ITGB3BP: variants seen among roughly 807,000 people sequenced by gnomAD.
The protein encoded by ITGB3BP is centromere protein R.
In ITGB3BP, 27 loss-of-function variants were observed where a neutral mutation model predicts 29.1. That is an observed-to-expected ratio of 0.93 (90% CI 0.68 to 1.28). ITGB3BP has a LOEUF of 1.28. ITGB3BP is among the 50% of genes most tolerant of loss of function. The pLI is 0.00. For missense variants in ITGB3BP, 192 were observed against 200.2 expected (o/e 0.96, Z 0.25); for synonymous variants, 61 against 61.4 (o/e 0.99, Z 0.03).
chr1:63,451,581 ATGTGTGTGCACATT>A (rs938139140), intron 7 of ITGB3BP: 6 of 152,122 alleles, frequency 3.9e-5, no homozygotes, highest in Non-Finnish European at 8.8e-5. Flanking sequence ...AAAAATTTGC[ATGTGTGTGCACATT>A]TGTGTGTACA....
chr1:63,526,821 G>A (rs1428666503), upstream of ITGB3BP, among the ~76,000 whole-genome samples: 2 of 151,864 alleles, frequency 1.3e-5, no homozygotes, highest in Non-Finnish European at 2.9e-5. Flanking sequence ...CTGGAGTGCA[G>A]TGGCGCGATC....
At chr1:63,523,459 C>T (rs962503841), upstream of ITGB3BP, 1 of 428,898 alleles carries the variant, frequency 2.3e-6, no homozygotes, top group Non-Finnish European at 4.3e-6. Flanking sequence ...ATCAGCGCTT[C>T]CTAGATTTCT....
chr1:63,514,716 G>A lies in ITGB3BP; in HGVS notation c.6-6146C>T, dbSNP rs549046409. On this transcript the variant is annotated intron_variant, in intron 1 of 8. Transcript: ENST00000271002. ...TAATCCCATCACTTTGGGAGGCCAA[G>A]GTGGGCAGACCACAAGGTCAAGAGA... Among the ~76,000 whole-genome samples, 16 of 152,208 alleles carry A rather than the reference G, an allele frequency of 1.1e-4. No individual in the cohort carries two copies. The South Asian group carries it at 3.1e-3, about 30-fold the overall frequency.
chr1:63,485,796 T>A (rs893849544), intron 3 of ITGB3BP, among the ~76,000 whole-genome samples: 5 of 152,066 alleles, frequency 3.3e-5, no homozygotes, highest in African/African-American at 1.2e-4. Flanking sequence ...TATAGATAAG[T>A]TTATCAGTCT....
intron 7 of ITGB3BP, among the ~76,000 whole-genome samples, chr1:63,449,981 G>A (rs1644840255): frequency 6.6e-6 from 1 of 151,932 alleles, no homozygotes; most frequent in East Asian, 1.9e-4. Flanking sequence ...TTCAGTGGGT[G>A]GTTAGAATGA....
intron 2 of ITGB3BP, among the ~76,000 whole-genome samples, chr1:63,501,953 T>C (rs1278482718): frequency 6.6e-6 from 1 of 151,998 alleles, no homozygotes; most frequent in East Asian, 1.9e-4. Context: ...CAACAAAACC[T>C]GCACCACTAC....
chr1:63,444,521 T>C (rs1377398199), intron 8 of ITGB3BP, among the ~76,000 whole-genome samples: 1 of 146,480 alleles, frequency 6.8e-6, no homozygotes, highest in Non-Finnish European at 1.5e-5. Context: ...TATATGTATA[T>C]ATGTACATAT....
At chr1:63,501,180 T>G (rs1645919369) in intron 2 of ITGB3BP, among the ~76,000 whole-genome samples, 1 of 152,156 alleles carries the variant, frequency 6.6e-6, no homozygotes, top group South Asian at 2.1e-4. Context: ...TTGAACCATG[T>G]ACAAAAATTA....
chr1:63,468,262 C>A (rs1417136951), intron 4 of ITGB3BP, among the ~76,000 whole-genome samples: 2 of 152,146 alleles, frequency 1.3e-5, no homozygotes, highest in African/African-American at 4.8e-5. Flanking sequence ...CTGGACCAAT[C>A]AACTGTCCAG....
intron 7 of ITGB3BP, among the ~76,000 whole-genome samples, chr1:63,451,145 G>T (rs1178511645): frequency 6.6e-6 from 1 of 151,702 alleles, no homozygotes; most frequent in African/African-American, 2.4e-5. Flanking sequence ...AAATTCTCAT[G>T]GTATTGTCTA....
chr1:63,527,490 T>C (rs1646615023), upstream of ITGB3BP, among the ~76,000 whole-genome samples: 1 of 142,912 alleles, frequency 7.0e-6, no homozygotes, highest in Non-Finnish European at 1.5e-5. Flanking sequence ...TTACTATAGC[T>C]TTAAGTTCCT....
At chr1:63,500,415 C>A (rs527285374) in intron 2 of ITGB3BP, among the ~76,000 whole-genome samples, 136 of 152,006 alleles carry the variant, frequency 8.9e-4, no homozygotes, top group African/African-American at 3.1e-3. Context: ...ATTATTAATG[C>A]TAATAAATGG....
At chr1:63,467,567 C>T (rs947474742) in intron 4 of ITGB3BP, among the ~76,000 whole-genome samples, 5 of 151,990 alleles carry the variant, frequency 3.3e-5, no homozygotes, top group African/African-American at 9.7e-5. Context: ...GATGGAGTCT[C>T]GCTATGTTGC....
At chr1:63,497,075 GT>G (rs937222535) in intron 2 of ITGB3BP, among the ~76,000 whole-genome samples, 1 of 152,108 alleles carries the variant, frequency 6.6e-6, no homozygotes, top group African/African-American at 2.4e-5. Flanking sequence ...GTAAGCATAG[GT>G]TTTTTAAATG....
At chr1:63,472,760 G>T (rs1290955327) in intron 4 of ITGB3BP, among the ~76,000 whole-genome samples, 2 of 151,764 alleles carry the variant, frequency 1.3e-5, no homozygotes, top group Admixed American at 6.6e-5. Flanking sequence ...TGCAGACAGA[G>T]TCTCGTTCAC....
At chr1:63,469,152 T>C (rs1010836743) in intron 4 of ITGB3BP, among the ~76,000 whole-genome samples, 1 of 151,530 alleles carries the variant, frequency 6.6e-6, no homozygotes, top group African/African-American at 2.4e-5. Flanking sequence ...AATAACATTA[T>C]CTACCTCACT....
At chr1:63,518,928 G>A (rs1186010364) in intron 1 of ITGB3BP, among the ~76,000 whole-genome samples, 1 of 152,008 alleles carries the variant, frequency 6.6e-6, no homozygotes, top group African/African-American at 2.4e-5. Flanking sequence ...ACATACCACA[G>A]TCTATCTAGA....
At chr1:63,517,995 T>C (rs1239484293) in intron 1 of ITGB3BP, among the ~76,000 whole-genome samples, 1 of 152,220 alleles carries the variant, frequency 6.6e-6, no homozygotes, top group Admixed American at 6.5e-5. Flanking sequence ...AGTGATGGGA[T>C]TACCGGCATG....
At chr1:63,499,788 T>C (rs1645879756) in intron 2 of ITGB3BP, among the ~76,000 whole-genome samples, 1 of 152,080 alleles carries the variant, frequency 6.6e-6, no homozygotes, top group African/African-American at 2.4e-5. Context: ...AAATCTAACA[T>C]CCTTTCATGA....
Sources: allele counts gnomAD v4.1 joint callset (sites outside exome capture counted in the v4.1 genomes callset), GRCh38; gene constraint gnomAD v4.1.1; transcripts MANE v1.5; gene names NCBI Gene and HGNC (gene_info 2026-07-23, HGNC 2026-07-21).